The following ST3GAL6 variants were observed in gnomAD, a reference collection of about 807,000 sequenced individuals.
ST3GAL6 encodes the protein type 2 lactosamine alpha-2,3-sialyltransferase.
In ST3GAL6, 31 loss-of-function variants were observed where a neutral mutation model predicts 40.5. The ratio of observed to expected loss-of-function variants is 0.77; its 90% CI spans 0.58 to 1.03. The LOEUF is 1.03. Among genes scored for constraint, ST3GAL6 ranks in the 50% least tolerant of loss-of-function variants. The pLI is 0.00. For missense variants in ST3GAL6, 357 were observed against 393.2 expected, an observed-to-expected ratio of 0.91 and a Z score of 0.78; for synonymous variants, 129 against 136.9, an observed-to-expected ratio of 0.94 and a Z score of 0.40.
chr3:98,754,460 T>G (rs1937263405), intron 1 of ST3GAL6, among the ~76,000 whole-genome samples: 1 of 152,236 alleles, frequency 6.6e-6, no homozygotes, highest in South Asian at 2.1e-4. Flanking sequence ...AAGTGATTCC[T>G]TGAGATGAAA....
At chr3:98,773,030 A>G (rs1311007255) in intron 4 of ST3GAL6, 114 bp downstream of exon 4, 5 of 618,462 alleles carry the variant, frequency 8.1e-6, no homozygotes, top group Non-Finnish European at 1.1e-5. Flanking sequence ...ATGATTTCCA[A>G]TGGATATGAT....
chr3:98,737,946 T>C (rs539363072), intron 1 of ST3GAL6, among the ~76,000 whole-genome samples: 1 of 152,152 alleles, frequency 6.6e-6, no homozygotes, highest in Non-Finnish European at 1.5e-5. Context: ...TCAATTGTAA[T>C]CCTCAGTGTT....
intron 5 of ST3GAL6, among the ~76,000 whole-genome samples, chr3:98,777,955 C>T (rs1220912658): frequency 6.6e-6 from 1 of 152,134 alleles, no homozygotes; most frequent in Non-Finnish European, 1.5e-5. Context: ...CCAGTCTGCC[C>T]CCTAGTCCTA....
At chr3:98,741,051 A>AGTGTGT (rs35649214) in intron 1 of ST3GAL6, among the ~76,000 whole-genome samples, 3,192 of 145,178 alleles carry the variant, frequency 0.022, 48 homozygotes, top group Non-Finnish European at 0.033. Context: ...AGAGGGATTC[A>AGTGTGT]GTGTGTGTGT....
Position 98,792,575 on chromosome 3 carries a change from C to T in ST3GAL6, c.909+582C>T, listed in dbSNP as rs1052358813. 1.7e-4 allele frequency among the ~76,000 whole-genome samples: 25 copies of T among 147,536 alleles called. No individual in the cohort carries two copies. The East Asian group carries it at 2.2e-3, about 13-fold the overall frequency. ...AGGCTGGAGTGCACTGGCATGATCT[C>T]GGCTTACTGCAACCTGCACCCCGCA... On this transcript the variant is annotated intron_variant, in intron 9 of 9. Coordinates refer to ENST00000483910, the MANE Select transcript of ST3GAL6 (RefSeq NM_001323368.2).
intron 1 of ST3GAL6, chr3:98,732,841 C>T (rs756115988): frequency 2.2e-4 from 338 of 1,504,158 alleles, no homozygotes; most frequent in Non-Finnish European, 2.9e-4. Flanking sequence ...TGGTTTCTGC[C>T]GGCCTCGGGC....
At position 98,773,911 on chromosome 3, in the gene ST3GAL6, G is replaced by C; in HGVS notation, c.272-9G>C. Reference sequence around the variant, plus strand: ...TCCTTTTATTCATAACACTCCATTTGTTTTCTAGCGGAATATTTTCGACTT... The same window carrying C: ...TCCTTTTATTCATAACACTCCATTTCTTTTCTAGCGGAATATTTTCGACTT... On this transcript the variant is annotated splice_polypyrimidine_tract_variant and intron_variant, in intron 4 of 9. Transcript: ENST00000483910. The C allele has an allele frequency of 6.2e-7, 1 of 1,611,282 alleles. No homozygotes were observed. The highest frequency in any genetic ancestry group is 8.5e-7 in the Non-Finnish European group (1 of 1,177,642).
At chr3:98,740,685 G>GA (rs369311404) in intron 1 of ST3GAL6, among the ~76,000 whole-genome samples, 2 of 151,926 alleles carry the variant, frequency 1.3e-5, no homozygotes, top group Admixed American at 1.3e-4. Flanking sequence ...TTGTGATAAT[G>GA]AAAAAAACAC....
At chr3:98,733,404 A>G in intron 1 of ST3GAL6, 1 of 1,022,032 alleles carries the variant, frequency 9.8e-7, no homozygotes, top group Non-Finnish European at 1.2e-6. Flanking sequence ...TGGGAAGCCA[A>G]GAGGAGTGTC....
chr3:98,768,360 T>G, intron 1 of ST3GAL6, 70 bp from the exon 2 acceptor site: 2 of 1,079,382 alleles, frequency 1.9e-6, no homozygotes, highest in Admixed American at 1.8e-5. Context: ...TGCTTATATT[T>G]GAGCCATTGT....
chr3:98,765,422 C>G (rs1288823450), intron 1 of ST3GAL6, among the ~76,000 whole-genome samples: 2 of 152,176 alleles, frequency 1.3e-5, no homozygotes, highest in Admixed American at 1.3e-4. Flanking sequence ...AAGACAACAC[C>G]TGCACACCCA....
At chr3:98,756,988 G>A (rs1937469006) in intron 1 of ST3GAL6, among the ~76,000 whole-genome samples, 1 of 152,112 alleles carries the variant, frequency 6.6e-6, no homozygotes, top group Non-Finnish European at 1.5e-5. Flanking sequence ...CTGTCTTTAA[G>A]TGCAACAATT....
At chr3:98,773,373 A>T (rs1396596931) in intron 4 of ST3GAL6, 1 of 153,008 alleles carries the variant, frequency 6.5e-6, no homozygotes, top group Non-Finnish European at 1.5e-5. Context: ...AGAGATAATT[A>T]TTCCATCTTC....
At position 98,794,342 on chromosome 3, in the gene ST3GAL6, T is replaced by G. The variant is rs1941438157; in HGVS notation, c.*581T>G. ...TAAGTTAAAGGAAATGGGCTAAACA[T>G]AAAGTTCTTATTAGATAAGTAAATA... is the stretch of plus-strand genomic sequence containing the variant. On this transcript the variant is annotated 3_prime_UTR_variant, in exon 10 of 10. Transcript: ENST00000483910. 1 of 152,138 alleles carries G rather than the reference T, an allele frequency of 6.6e-6. No individual in the cohort carries two copies. Among genetic ancestry groups the G allele is most frequent in the Non-Finnish European group, 1.5e-5 (1 of 68,010 alleles). 9.4% of individuals were successfully genotyped at this position (152,138 alleles called of 1,614,324 possible).
chr3:98,762,711 T>C, upstream of ST3GAL6: 7 of 751,912 alleles, frequency 9.3e-6, no homozygotes, highest in Non-Finnish European at 9.7e-6. Context: ...ATTTAACAGT[T>C]CATACTCTTA....
intron 2 of ST3GAL6, among the ~76,000 whole-genome samples, chr3:98,769,828 T>A (rs1938777694): frequency 6.6e-6 from 1 of 152,196 alleles, no homozygotes; most frequent in African/African-American, 2.4e-5. Context: ...TTTCTATGTT[T>A]TAATGACTTT....
At chr3:98,784,608 T>G in intron 5 of ST3GAL6, 1 of 216,038 alleles carries the variant, frequency 4.6e-6, no homozygotes, top group South Asian at 8.3e-5. Context: ...GAGTATGACT[T>G]TAAAATGTTA....
At chr3:98,783,394 C>T (rs1373789201) in intron 5 of ST3GAL6, 1 of 210,624 alleles carries the variant, frequency 4.7e-6, no homozygotes, top group Non-Finnish European at 8.2e-6. Context: ...TGGTGCCCGC[C>T]CACTTTTACA....
chr3:98,778,045 G>T (rs548584050), intron 5 of ST3GAL6, among the ~76,000 whole-genome samples: 1 of 152,224 alleles, frequency 6.6e-6, no homozygotes, highest in South Asian at 2.1e-4. Flanking sequence ...TCAAATCTCA[G>T]CTCCCACTTA....
Sources: gnomAD v4.1 joint callset for allele counts (sites outside exome capture counted in the v4.1 genomes callset) on GRCh38, gnomAD v4.1.1 for gene constraint, MANE v1.5 for transcripts, NCBI Gene and HGNC (gene_info 2026-07-23, HGNC 2026-07-21) for gene names.